The following ABCB11 variants were observed in gnomAD, a reference collection of about 807,000 sequenced individuals.
ABCB11 encodes the protein bile salt export pump.
Under a neutral mutation model 148.0 loss-of-function variants are expected in ABCB11, and 95 were observed. That is an observed-to-expected ratio of 0.64 (90% CI 0.54 to 0.76). The LOEUF (loss-of-function observed/expected upper bound fraction) is 0.76. ABCB11 is among the 30% of genes least tolerant of loss of function. The pLI is 0.00. For synonymous variants in ABCB11, 591 were observed against 555.4 expected, an observed-to-expected ratio of 1.06 and a Z score of -0.90; for missense variants, 1,523 against 1,617.8, an observed-to-expected ratio of 0.94 and a Z score of 1.01.
intron 5 of ABCB11, among the ~76,000 whole-genome samples, chr2:169,001,084 T>C (rs544379876): frequency 6.6e-6 from 1 of 152,172 alleles, no homozygotes; most frequent in African/African-American, 2.4e-5. Flanking sequence ...AAGTGAAATA[T>C]ATAAAGATTA....
rs774214851 is a variant in ABCB11, at chr2:168,971,838, TA to T, written c.1638+8del. 2.4e-5 allele frequency: 39 copies of T among 1,611,900 alleles called. No individual in the cohort carries two copies. Among genetic ancestry groups the T allele is most frequent in the Non-Finnish European group, 3.1e-5 (37 of 1,178,606 alleles). On this transcript the variant is annotated splice_region_variant and intron_variant, in intron 14 of 27. Coordinates refer to ENST00000650372, the MANE Select transcript of ABCB11 (RefSeq NM_003742.4). ...TTAGTTTCTCCCAGGAATGTATGGC[TA>T]GGGGTACCTGTGGCAGGTCCATGAT...
intron 7 of ABCB11, 58 bp from the exon 8 acceptor site, chr2:168,993,940 C>A: frequency 7.2e-7 from 1 of 1,390,884 alleles, no homozygotes; most frequent in Non-Finnish European, 1.0e-6. Context: ...AAATATCTTG[C>A]TGAAAGTCTC....
intron 19 of ABCB11, among the ~76,000 whole-genome samples, chr2:168,953,411 T>C (rs1692653333): frequency 1.3e-5 from 2 of 151,518 alleles, no homozygotes; most frequent in Admixed American, 6.6e-5. Context: ...TTAGAATTGT[T>C]ATAACGTTTT....
downstream of ABCB11, among the ~76,000 whole-genome samples, chr2:168,917,390 G>A (rs1457352740): frequency 2.0e-5 from 3 of 152,088 alleles, no homozygotes; most frequent in Non-Finnish European, 4.4e-5. Context: ...AATCATAAAT[G>A]GTTCTTACAG....
Position 168,986,256 on chromosome 2 carries a change from G to A in ABCB11, c.937C>T (p.Arg313Cys), listed in dbSNP as rs375087680. 1.3e-5 allele frequency: 21 copies of A among 1,612,744 alleles called. No individual in the cohort carries two copies. The highest frequency in any genetic ancestry group is 2.7e-5 in the African/African-American group (2 of 74,836). The change falls in exon 10 of 28, where the codon CGT becomes TGT. Residue 313 changes from arginine to cysteine, a missense_variant. Physicochemically the swap from Arg to Cys is radical, Grantham distance 180. Coordinates refer to ENST00000650372, the MANE Select transcript of ABCB11 (RefSeq NM_003742.4). ...RYEKNLVFAQ[R>C]WGIRKGIVMG... is the part of the protein sequence containing the mutation. ...ACTATTCCTTTTCTAATTCCCCAAC[G>A]CTGGGCGAACACAAGATTTTTCTCA...
intron 5 of ABCB11, among the ~76,000 whole-genome samples, chr2:169,006,950 C>T (rs188375013): frequency 1.9e-4 from 29 of 152,226 alleles, no homozygotes; most frequent in Non-Finnish European, 2.8e-4. Context: ...ATTGTTAAGA[C>T]GGCAATATTC....
intron 22 of ABCB11, among the ~76,000 whole-genome samples, chr2:168,936,022 T>C (rs568684864): frequency 2.0e-5 from 3 of 152,228 alleles, no homozygotes; most frequent in Non-Finnish European, 4.4e-5. Context: ...CCGCTATTTC[T>C]CCACACTGGC....
In ABCB11 at chr2:168,995,431, A is replaced by G; in HGVS notation, c.529T>C (p.Phe177Leu). The G allele has an allele frequency of 6.2e-7, 1 of 1,612,142 alleles. No homozygotes were observed. The highest frequency in any genetic ancestry group is 1.1e-5 in the South Asian group (1 of 90,962). Reference protein sequence around the residue: ...AARQIQKMRKFYFRRIMRMEI... With the variant: ...AARQIQKMRKLYFRRIMRMEI... ...ATTCTCATTATTCTCCTAAAGTAAA[A>G]TTTTCTCATTTTCTGTATCTGACGA... Residue 177 changes from phenylalanine (F) to leucine (L), a missense_variant, in exon 7 of 28, where the codon TTT (phenylalanine) becomes CTT (leucine). Phe to Leu is a conservative substitution (Grantham distance 22). Transcript: ENST00000650372.
At chr2:168,941,859 G>A (rs1692076601) in intron 21 of ABCB11, among the ~76,000 whole-genome samples, 1 of 151,896 alleles carries the variant, frequency 6.6e-6, no homozygotes, top group African/African-American at 2.4e-5. Flanking sequence ...TTTATTTTTA[G>A]ACATAAAGCT....
chr2:168,953,746 G>T (rs975771941), intron 19 of ABCB11, among the ~76,000 whole-genome samples: 1 of 151,492 alleles, frequency 6.6e-6, no homozygotes, highest in Non-Finnish European at 1.5e-5. Flanking sequence ...GTCAAATCGG[G>T]AACTGCTTAG....
intron 16 of ABCB11, among the ~76,000 whole-genome samples, chr2:168,968,991 T>C (rs1693441871): frequency 6.6e-6 from 1 of 151,894 alleles, no homozygotes; most frequent in African/African-American, 2.4e-5. Flanking sequence ...ACCTGAAGTA[T>C]CTATCTACAT....
At chr2:168,963,565 T>C (rs188994152) in intron 18 of ABCB11, among the ~76,000 whole-genome samples, 1 of 151,842 alleles carries the variant, frequency 6.6e-6, no homozygotes, top group East Asian at 2.0e-4. Flanking sequence ...TAGGAAGAAA[T>C]TGTGTATTGC....
intron 5 of ABCB11, among the ~76,000 whole-genome samples, chr2:169,002,956 T>A (rs929522489): frequency 3.3e-5 from 5 of 152,102 alleles, no homozygotes; most frequent in Admixed American, 1.3e-4. Flanking sequence ...TTTTAAAAAA[T>A]TTTAATTTTT....
At chr2:168,935,977 C>T (rs150329586) in intron 22 of ABCB11, among the ~76,000 whole-genome samples, 1 of 152,262 alleles carries the variant, frequency 6.6e-6, no homozygotes, top group East Asian at 1.9e-4. Context: ...AATCACTATG[C>T]GAGAGGAAAT....
chr2:168,926,210 T>C (rs187840884), intron 26 of ABCB11, among the ~76,000 whole-genome samples: 75 of 152,252 alleles, frequency 4.9e-4, no homozygotes, highest in Middle Eastern at 6.8e-3. Flanking sequence ...AGAGGGACTT[T>C]TGGTGGATGG....
At chr2:168,960,868 G>A (rs1316493024) in intron 18 of ABCB11, among the ~76,000 whole-genome samples, 1 of 151,700 alleles carries the variant, frequency 6.6e-6, no homozygotes, top group African/African-American at 2.4e-5. Flanking sequence ...ATAAAGAGAA[G>A]ATTATAAATT....
chr2:168,940,844 C>A (rs185781945), intron 21 of ABCB11, among the ~76,000 whole-genome samples: 123 of 152,108 alleles, frequency 8.1e-4, no homozygotes, highest in African/African-American at 2.9e-3. Flanking sequence ...AAATTCTAGG[C>A]CCCTAAGAGG....
chr2:168,948,415 T>G (rs959806490), intron 19 of ABCB11, among the ~76,000 whole-genome samples: 1 of 151,662 alleles, frequency 6.6e-6, no homozygotes. Flanking sequence ...CACACAATGA[T>G]TTTCTTGTCC....
At position 168,949,178 on chromosome 2, in the gene ABCB11, A is replaced by C; in HGVS notation, c.2344-4217T>G. Among the ~76,000 whole-genome samples, 2 of 151,660 alleles carry C rather than the reference A, an allele frequency of 1.3e-5. 1 individual carries two copies. The highest frequency in any genetic ancestry group is 3.0e-5 in the Non-Finnish European group (2 of 67,752). On this transcript the variant is annotated intron_variant, in intron 19 of 27. Transcript: ENST00000650372. ...TGTGAATTTCAGCCAAGAAAACATG[A>C]TCACATTTTTTTAAACTGCTTTTTT... is the stretch of plus-strand genomic sequence containing the variant.
Sources: allele counts gnomAD v4.1 joint callset (sites outside exome capture counted in the v4.1 genomes callset), GRCh38; gene constraint gnomAD v4.1.1; transcripts MANE v1.5; gene names NCBI Gene and HGNC (gene_info 2026-07-23, HGNC 2026-07-21).